The following ERBB4 variants were observed in gnomAD, a reference collection of about 807,000 sequenced individuals.
ERBB4 encodes receptor tyrosine-protein kinase erbB-4.
A neutral mutation model predicts 158.0 loss-of-function variants in ERBB4; 42 were observed. The ratio of observed to expected loss-of-function variants is 0.27; its 90% CI spans 0.21 to 0.34. The LOEUF (loss-of-function observed/expected upper bound fraction) is 0.34, where lower values mean the gene tolerates loss of function less well. Ranked by LOEUF, ERBB4 falls within the 10% of genes least tolerant of loss-of-function variation. The pLI is 1.00. For synonymous variants in ERBB4, 583 were observed against 558.7 expected, an observed-to-expected ratio of 1.04 and a Z score of -0.61; for missense variants, 1,333 against 1,624.1, an observed-to-expected ratio of 0.82 and a Z score of 3.08.
chr2:211,750,501 T>C (rs2075101040), intron 5 of ERBB4, 138 bp downstream of exon 5: 1 of 757,334 alleles, frequency 1.3e-6, no homozygotes, highest in African/African-American at 1.7e-5. Flanking sequence ...TCGGGTAGTT[T>C]TCTTGGCCCA....
chr2:211,804,035 T>C (rs2076558344), intron 3 of ERBB4, among the ~76,000 whole-genome samples: 1 of 152,208 alleles, frequency 6.6e-6, no homozygotes, highest in Admixed American at 6.5e-5. Flanking sequence ...GGCTATCTAA[T>C]GATTCTTGAA....
intron 1 of ERBB4, among the ~76,000 whole-genome samples, chr2:212,487,502 C>T (rs1690040881): frequency 6.6e-6 from 1 of 150,588 alleles, no homozygotes; most frequent in African/African-American, 2.4e-5. Flanking sequence ...AGAGCTGAAA[C>T]ACCATAGAGA....
intron 1 of ERBB4, among the ~76,000 whole-genome samples, chr2:212,242,442 G>A (rs2084144405): frequency 6.6e-6 from 1 of 151,884 alleles, no homozygotes; most frequent in South Asian, 2.1e-4. Flanking sequence ...GATAATAATG[G>A]TAATTATAAT....
At chr2:212,296,135 T>C (rs928165096) in intron 1 of ERBB4, among the ~76,000 whole-genome samples, 2 of 151,942 alleles carry the variant, frequency 1.3e-5, no homozygotes, top group Admixed American at 6.6e-5. Context: ...AGCACTATAT[T>C]AGGTACTTTA....
At chr2:211,624,099 C>G in intron 17 of ERBB4, 55 bp from the exon 18 acceptor site, 1 of 1,606,964 alleles carries the variant, frequency 6.2e-7, no homozygotes, top group Non-Finnish European at 8.5e-7. Flanking sequence ...AGTCCTCTCT[C>G]TCTGTCTCTC....
rs577892101 is a variant in ERBB4, at chr2:211,609,345, G to A, written c.2301+9832C>T. Among the ~76,000 whole-genome samples, 171 of 152,226 alleles carry A rather than the reference G, an allele frequency of 1.1e-3. 1 individual carries two copies. The highest frequency in any genetic ancestry group is 6.8e-3 in the Middle Eastern group (2 of 294). On this transcript the variant is annotated intron_variant, in intron 19 of 27. Transcript: ENST00000342788. Reference sequence around the variant, plus strand: ...GCCCCCACACCCAGTAGGAAAGAATGCATGCTCAGAGAAATCAACAAGAAT... The same window carrying A: ...GCCCCCACACCCAGTAGGAAAGAATACATGCTCAGAGAAATCAACAAGAAT...
At chr2:211,398,637 T>C (rs2062970677) in intron 25 of ERBB4, among the ~76,000 whole-genome samples, 1 of 151,976 alleles carries the variant, frequency 6.6e-6, no homozygotes, top group Admixed American at 6.6e-5. Flanking sequence ...GGTCAGGAGT[T>C]CAAGACCAGA....
intron 3 of ERBB4, among the ~76,000 whole-genome samples, chr2:211,863,149 T>C (rs1038548120): frequency 6.7e-6 from 1 of 148,206 alleles, no homozygotes; most frequent in African/African-American, 2.6e-5. Context: ...GCACTCTGTG[T>C]CTAGCTAAAG....
intron 3 of ERBB4, among the ~76,000 whole-genome samples, chr2:211,864,655 A>ATGTAAAGTGATAAAG (rs1351465973): frequency 6.6e-6 from 1 of 152,160 alleles, no homozygotes; most frequent in East Asian, 1.9e-4. Context: ...CTCTGCCATT[A>ATGTAAAGTGATAAAG]TGTAAAGTGA....
At chr2:212,316,577 A>G (rs79723308) in intron 1 of ERBB4, among the ~76,000 whole-genome samples, 3,986 of 151,632 alleles carry the variant, frequency 0.026, 170 homozygotes, top group African/African-American at 0.091. Flanking sequence ...AAAGGTCCAA[A>G]TCATTCTTTC....
At chr2:211,611,153 G>C (rs2069178017) in intron 19 of ERBB4, among the ~76,000 whole-genome samples, 1 of 152,096 alleles carries the variant, frequency 6.6e-6, no homozygotes, top group South Asian at 2.1e-4. Flanking sequence ...TCCCTAAGGG[G>C]ACTTTCCCCT....
intron 1 of ERBB4, among the ~76,000 whole-genome samples, chr2:212,454,272 C>T (rs1325954964): frequency 3.9e-5 from 6 of 152,134 alleles, no homozygotes; most frequent in Non-Finnish European, 4.4e-5. Context: ...ACTGTGGTGA[C>T]GCACTAGGAA....
intron 1 of ERBB4, among the ~76,000 whole-genome samples, chr2:212,429,438 G>A (rs560384372): frequency 3.3e-5 from 5 of 152,088 alleles, no homozygotes; most frequent in South Asian, 2.1e-4. Context: ...TGTCTTCAAC[G>A]GATTATACAA....
chr2:211,955,478 T>C (rs2081002460), intron 2 of ERBB4, among the ~76,000 whole-genome samples: 1 of 152,108 alleles, frequency 6.6e-6, no homozygotes, highest in Non-Finnish European at 1.5e-5. Context: ...CAAGACTGTA[T>C]TCCTGTATCA....
At chr2:212,114,420 G>A (rs755013041) in intron 2 of ERBB4, among the ~76,000 whole-genome samples, 2 of 152,128 alleles carry the variant, frequency 1.3e-5, no homozygotes, top group Non-Finnish European at 2.9e-5. Context: ...ATTGAAAGAT[G>A]GCCAGTGAGT....
chr2:212,211,292 C>T (rs2082924906), intron 1 of ERBB4, among the ~76,000 whole-genome samples: 1 of 152,062 alleles, frequency 6.6e-6, no homozygotes, highest in African/African-American at 2.4e-5. Flanking sequence ...AAAACACTTT[C>T]TGGAGAGAAC....
intron 1 of ERBB4, among the ~76,000 whole-genome samples, chr2:212,384,910 TATATATATATAC>T (rs1323741411): frequency 6.4e-5 from 9 of 140,310 alleles, no homozygotes; most frequent in African/African-American, 2.2e-4. Flanking sequence ...TATATATATA[TATATATATATAC>T]ACACACACAC....
At chr2:211,677,678 T>C (rs2072137372) in intron 13 of ERBB4, among the ~76,000 whole-genome samples, 1 of 151,114 alleles carries the variant, frequency 6.6e-6, no homozygotes, top group Non-Finnish European at 1.5e-5. Flanking sequence ...ATCGAGACCA[T>C]CCTGGCTAAC....
chr2:212,442,279 G>A (rs1257852458), intron 1 of ERBB4, among the ~76,000 whole-genome samples: 1 of 150,410 alleles, frequency 6.6e-6, no homozygotes, highest in African/African-American at 2.4e-5. Flanking sequence ...GGGAATCATG[G>A]CCCCTCAACA....
Sources: gnomAD v4.1 joint callset for allele counts (sites outside exome capture counted in the v4.1 genomes callset) on GRCh38, gnomAD v4.1.1 for gene constraint, MANE v1.5 for transcripts, NCBI Gene and HGNC (gene_info 2026-07-23, HGNC 2026-07-21) for gene names.